The following MCU variants were observed in gnomAD, a reference collection of about 807,000 sequenced individuals.
MCU encodes the protein mitochondrial calcium uniporter, also known as calcium uniporter protein, mitochondrial.
In MCU, 12 loss-of-function variants were observed where a neutral mutation model predicts 45.2. The ratio of observed to expected loss-of-function variants is 0.27; its 90% confidence interval spans 0.17 to 0.43. The LOEUF (loss-of-function observed/expected upper bound fraction) is 0.43, where lower values mean the gene tolerates loss of function less well. MCU is among the 20% of genes least tolerant of loss of function. The probability of loss-of-function intolerance (pLI) is 1.00; values close to 1 mark genes in which losing one functional copy is unlikely to be tolerated. For synonymous variants in MCU, 160 were observed against 165.1 expected (o/e 0.97, Z 0.24); for missense variants, 324 against 436.7 (o/e 0.74, Z 2.30).
At chr10:72,735,179 G>A (rs1843236616) in intron 1 of MCU, among the ~76,000 whole-genome samples, 1 of 150,862 alleles carries the variant, frequency 6.6e-6, no homozygotes, top group Non-Finnish European at 1.5e-5. Context: ...TGACATGGAT[G>A]GAATATTAAT....
intron 1 of MCU, among the ~76,000 whole-genome samples, chr10:72,725,616 C>T (rs533400354): frequency 2.0e-5 from 3 of 152,160 alleles, no homozygotes; most frequent in Admixed American, 6.5e-5. Flanking sequence ...AGGCCGGGTG[C>T]GGTGGCTCAC....
intron 1 of MCU, among the ~76,000 whole-genome samples, chr10:72,763,081 T>G (rs1221574165): frequency 1.3e-5 from 2 of 152,174 alleles, no homozygotes; most frequent in African/African-American, 2.4e-5. Context: ...TCTCTCTGGT[T>G]CTCTGGAGCT....
At chr10:72,829,071 A>T (rs1844839457) in intron 1 of MCU, among the ~76,000 whole-genome samples, 1 of 152,216 alleles carries the variant, frequency 6.6e-6, no homozygotes, top group South Asian at 2.1e-4. Context: ...CTGTGATCCC[A>T]GCACTTTGGG....
chr10:72,765,947 G>C (rs1235180915), intron 1 of MCU, among the ~76,000 whole-genome samples: 2 of 151,984 alleles, frequency 1.3e-5, no homozygotes, highest in African/African-American at 4.8e-5. Flanking sequence ...ACTCACTGCA[G>C]CCTTGACCTC....
At chr10:72,716,989 C>G (rs1456243866) in intron 1 of MCU, among the ~76,000 whole-genome samples, 1 of 152,118 alleles carries the variant, frequency 6.6e-6, no homozygotes, top group African/African-American at 2.4e-5. Context: ...AATCAGTGTT[C>G]TACTACTGAA....
intron 2 of MCU, among the ~76,000 whole-genome samples, chr10:72,852,129 C>T (rs1048888400): frequency 1.3e-5 from 2 of 152,154 alleles, no homozygotes; most frequent in South Asian, 4.1e-4. Flanking sequence ...AATTTAATCA[C>T]TAATCTTAAT....
At chr10:72,784,161 T>C (rs1227599687) in intron 1 of MCU, among the ~76,000 whole-genome samples, 1 of 152,168 alleles carries the variant, frequency 6.6e-6, no homozygotes, top group Non-Finnish European at 1.5e-5. Flanking sequence ...GGGGATGACA[T>C]TTTCCAAAAG....
intron 1 of MCU, among the ~76,000 whole-genome samples, chr10:72,708,660 AGCTGTAGATCATCTTGTTCTCTG>A (rs1673195761): frequency 6.6e-6 from 1 of 152,176 alleles, no homozygotes; most frequent in Non-Finnish European, 1.5e-5. Flanking sequence ...TGGGTAACAC[AGCTGTAGATCATCTTGTTCTCTG>A]TGCCCAGATA....
intron 2 of MCU, among the ~76,000 whole-genome samples, chr10:72,857,928 G>C (rs1845317574): frequency 6.6e-6 from 1 of 152,078 alleles, no homozygotes; most frequent in Non-Finnish European, 1.5e-5. Context: ...TCTGAGTTTT[G>C]GTTCTGTCTA....
chr10:72,795,623 T>G (rs1471086329), intron 1 of MCU, among the ~76,000 whole-genome samples: 1 of 152,152 alleles, frequency 6.6e-6, no homozygotes, highest in Non-Finnish European at 1.5e-5. Flanking sequence ...TGGCTCCTGA[T>G]GACTGAAAAT....
At chr10:72,786,736 A>G (rs1307944792) in intron 1 of MCU, among the ~76,000 whole-genome samples, 1 of 152,236 alleles carries the variant, frequency 6.6e-6, no homozygotes, top group Non-Finnish European at 1.5e-5. Context: ...ACAGAGCGAG[A>G]CAATGTCTCA....
At chr10:72,795,633 T>G (rs1430165314) in intron 1 of MCU, among the ~76,000 whole-genome samples, 1 of 151,970 alleles carries the variant, frequency 6.6e-6, no homozygotes, top group Non-Finnish European at 1.5e-5. Context: ...TGACTGAAAA[T>G]GTTGGTGGCT....
chr10:72,788,665 T>A (rs1844113497), intron 1 of MCU, among the ~76,000 whole-genome samples: 1 of 152,178 alleles, frequency 6.6e-6, no homozygotes. Context: ...CACAAACTAG[T>A]GATGAGTAAA....
At chr10:72,784,605 C>T (rs1401229509) in intron 1 of MCU, among the ~76,000 whole-genome samples, 1 of 152,184 alleles carries the variant, frequency 6.6e-6, no homozygotes, top group Non-Finnish European at 1.5e-5. Flanking sequence ...CAGGAAAAGC[C>T]TTCTGTGTAT....
chr10:72,801,591 G>A (rs558971873), intron 1 of MCU, among the ~76,000 whole-genome samples: 6 of 149,360 alleles, frequency 4.0e-5, no homozygotes, highest in Non-Finnish European at 8.9e-5. Flanking sequence ...TTGCCAGTTT[G>A]TTTTCTTTAA....
intron 1 of MCU, among the ~76,000 whole-genome samples, chr10:72,727,635 G>T (rs1379436517): frequency 6.6e-6 from 1 of 151,988 alleles, no homozygotes; most frequent in Non-Finnish European, 1.5e-5. Flanking sequence ...TCTTCGTGTT[G>T]GTTCCCGAGT....
At chr10:72,716,533 C>CA (rs1299498896) in intron 1 of MCU, among the ~76,000 whole-genome samples, 1 of 151,678 alleles carries the variant, frequency 6.6e-6, no homozygotes, top group African/African-American at 2.4e-5. Flanking sequence ...TTTGCTTTCT[C>CA]ACTGGGTGTA....
chr10:72,791,804 A>G (rs1236607386), intron 1 of MCU, among the ~76,000 whole-genome samples: 1 of 151,252 alleles, frequency 6.6e-6, no homozygotes, highest in South Asian at 2.1e-4. Context: ...CCTTCTGAAC[A>G]TGTTTTCTTT....
chr10:72,704,976 C>T (rs1366882523), intron 1 of MCU, among the ~76,000 whole-genome samples: 1 of 152,040 alleles, frequency 6.6e-6, no homozygotes, highest in Non-Finnish European at 1.5e-5. Context: ...GCCTCGGCCT[C>T]CCAAAGTGCT....
Sources: gnomAD v4.1 joint callset for allele counts (sites outside exome capture counted in the v4.1 genomes callset) on GRCh38, gnomAD v4.1.1 for gene constraint, MANE v1.5 for transcripts, NCBI Gene and HGNC (gene_info 2026-07-23, HGNC 2026-07-21) for gene names.